The following ADARB2 variants were observed in gnomAD, a reference collection of about 807,000 sequenced individuals.
ADARB2 encodes the protein adenosine deaminase RNA specific B2 (inactive).
Under a neutral mutation model 62.2 loss-of-function variants are expected in ADARB2, and 25 were observed. The observed-to-expected ratio is 0.40, with a 90% CI of 0.29 to 0.56. ADARB2 has a LOEUF of 0.56. ADARB2 is among the 20% of genes least tolerant of loss of function. The probability of loss-of-function intolerance (pLI) is 0.43; values close to 1 mark genes in which losing one functional copy is unlikely to be tolerated. For synonymous variants in ADARB2, 572 were observed against 500.8 expected (o/e 1.14, Z -1.90); for missense variants, 1,071 against 1,077.4 (o/e 0.99, Z 0.08).
intron 1 of ADARB2, among the ~76,000 whole-genome samples, chr10:1,720,021 G>A (rs1343746087): frequency 2.0e-5 from 3 of 152,166 alleles, no homozygotes; most frequent in Non-Finnish European, 4.4e-5. Context: ...ACATTCCTGG[G>A]GGTATACCCA....
In ADARB2 at chr10:1,327,427, C is replaced by T. The variant is rs868067923; in HGVS notation, c.1077+35601G>A. On this transcript the variant is annotated intron_variant, in intron 3 of 9. Coordinates refer to ENST00000381312, the MANE Select transcript of ADARB2 (RefSeq NM_018702.4). The stretch of plus-strand genomic sequence containing the variant: ...CGCCTCCCCACTGCCCAGCGCCTCC[C>T]CACTGCCCAGCGCCTCCCCACGGCC... Among the ~76,000 whole-genome samples, 51 of 36,514 alleles carry T rather than the reference C, an allele frequency of 1.4e-3. 6 individuals are homozygous for T. Among genetic ancestry groups the T allele is most frequent in the African/African-American group, 4.2e-3 (36 of 8,672 alleles). The allele number at this position is 36,514 out of a possible 152,430, so 24.0% of individuals were successfully genotyped here.
chr10:1,187,941 T>C, intron 8 of ADARB2: 2 of 314,146 alleles, frequency 6.4e-6, no homozygotes, highest in Non-Finnish European at 1.4e-5. Context: ...TAAATCACAC[T>C]GTAAATCATT....
intron 3 of ADARB2, among the ~76,000 whole-genome samples, chr10:1,318,916 G>A (rs1190681273): frequency 6.6e-6 from 1 of 152,170 alleles, no homozygotes; most frequent in Non-Finnish European, 1.5e-5. Context: ...ATGACCCAGG[G>A]TAGATGGACC....
At chr10:1,478,315 C>G (rs1400542264) in intron 1 of ADARB2, among the ~76,000 whole-genome samples, 1 of 152,198 alleles carries the variant, frequency 6.6e-6, no homozygotes, top group Non-Finnish European at 1.5e-5. Context: ...TGTGTCTCAA[C>G]CTGGCGTTGG....
intron 1 of ADARB2, among the ~76,000 whole-genome samples, chr10:1,414,869 T>G (rs1330207508): frequency 6.6e-6 from 1 of 152,146 alleles, no homozygotes. Context: ...GGGGGCTGGA[T>G]GAGTGGCTCA....
intron 1 of ADARB2, among the ~76,000 whole-genome samples, chr10:1,561,027 G>A (rs148024301): frequency 1.1e-4 from 16 of 152,246 alleles, no homozygotes; most frequent in Admixed American, 7.8e-4. Context: ...GAAACGTAAC[G>A]TGAGCCACAG....
intron 1 of ADARB2, among the ~76,000 whole-genome samples, chr10:1,501,092 CT>C (rs1218978022): frequency 6.6e-6 from 1 of 152,268 alleles, no homozygotes; most frequent in East Asian, 1.9e-4. Flanking sequence ...TCAGGCTGGT[CT>C]TGAACTTCTG....
At chr10:1,570,105 G>A (rs570847097) in intron 1 of ADARB2, among the ~76,000 whole-genome samples, 18 of 151,900 alleles carry the variant, frequency 1.2e-4, no homozygotes, top group African/African-American at 3.1e-4. Context: ...ACGTATATAC[G>A]TTAAAATTAC....
At chr10:1,634,152 G>A (rs968586619) in intron 1 of ADARB2, among the ~76,000 whole-genome samples, 10 of 152,122 alleles carry the variant, frequency 6.6e-5, no homozygotes, top group Non-Finnish European at 1.5e-4. Context: ...AACACCGGGA[G>A]GACCCTGGGG....
chr10:1,410,892 G>A (rs1194705884), intron 1 of ADARB2, among the ~76,000 whole-genome samples: 1 of 152,218 alleles, frequency 6.6e-6, no homozygotes, highest in African/African-American at 2.4e-5. Flanking sequence ...CCCGGATGGA[G>A]GGCAGTCCAG....
At chr10:1,223,679 A>G (rs1178518670) in intron 6 of ADARB2, among the ~76,000 whole-genome samples, 1 of 152,182 alleles carries the variant, frequency 6.6e-6, no homozygotes, top group Non-Finnish European at 1.5e-5. Flanking sequence ...TATTGAGATA[A>G]TCATGTGGTT....
intron 3 of ADARB2, among the ~76,000 whole-genome samples, chr10:1,340,756 C>T (rs1445124934): frequency 7.1e-6 from 1 of 141,490 alleles, no homozygotes; most frequent in African/African-American, 2.8e-5. Context: ...CAGAGAACCA[C>T]GTGCCCCACA....
intron 1 of ADARB2, among the ~76,000 whole-genome samples, chr10:1,412,364 G>A (rs1832766576): frequency 6.6e-6 from 1 of 151,742 alleles, no homozygotes; most frequent in African/African-American, 2.4e-5. Context: ...ATTAAAAGAT[G>A]TGTTTTTTTT....
At chr10:1,727,799 G>A (rs987426942) in intron 1 of ADARB2, among the ~76,000 whole-genome samples, 2 of 152,120 alleles carry the variant, frequency 1.3e-5, no homozygotes, top group Non-Finnish European at 2.9e-5. Context: ...AGGAAGGGCC[G>A]CGTCCACTCC....
chr10:1,712,982 A>T (rs1834969932), intron 1 of ADARB2, among the ~76,000 whole-genome samples: 1 of 152,168 alleles, frequency 6.6e-6, no homozygotes, highest in Non-Finnish European at 1.5e-5. Context: ...TCCCGACAGC[A>T]GGGTTTTCAT....
In ADARB2 at chr10:1,236,256, T is replaced by C. The variant is rs1157454813; in HGVS notation, c.1362-2411A>G. Among the ~76,000 whole-genome samples, 98 of 10,168 alleles carry C rather than the reference T, an allele frequency of 9.6e-3. 4 individuals are homozygous for C. The highest frequency in any genetic ancestry group is 0.011 in the Non-Finnish European group (66 of 5,936). The allele number at this position is 10,168 out of a possible 152,430, so 6.7% of individuals were successfully genotyped here. On this transcript the variant is annotated intron_variant, in intron 5 of 9. Coordinates refer to ENST00000381312, the MANE Select transcript of ADARB2 (RefSeq NM_018702.4). Reference sequence around the variant, plus strand: ...CTCTGTCTCCCGGTGTTTACTCCCCTCTCCCTCCCGGTGTTTACTCCCCTC... The same window carrying C: ...CTCTGTCTCCCGGTGTTTACTCCCCCCTCCCTCCCGGTGTTTACTCCCCTC...
intron 3 of ADARB2, among the ~76,000 whole-genome samples, chr10:1,352,085 T>A (rs982184759): frequency 6.6e-6 from 1 of 151,980 alleles, no homozygotes; most frequent in Non-Finnish European, 1.5e-5. Flanking sequence ...TTACCTGGGC[T>A]GTACTGCCGC....
intron 1 of ADARB2, among the ~76,000 whole-genome samples, chr10:1,424,315 C>G (rs889584034): frequency 1.3e-5 from 2 of 152,164 alleles, no homozygotes; most frequent in Non-Finnish European, 2.9e-5. Flanking sequence ...TAACTACCTC[C>G]TGGCCTAATG....
At chr10:1,725,901 G>A (rs1466323087) in intron 1 of ADARB2, among the ~76,000 whole-genome samples, 1 of 152,238 alleles carries the variant, frequency 6.6e-6, no homozygotes, top group African/African-American at 2.4e-5. Context: ...ACTGGACTAC[G>A]GATAAAATGT....
Sources: gnomAD v4.1 joint callset for allele counts (sites outside exome capture counted in the v4.1 genomes callset) on GRCh38, gnomAD v4.1.1 for gene constraint, MANE v1.5 for transcripts, NCBI Gene and HGNC (gene_info 2026-07-23, HGNC 2026-07-21) for gene names.